The following NBAS variants were observed in gnomAD, a reference collection of about 807,000 sequenced individuals.
The protein encoded by NBAS is NBAS subunit of NRZ tethering complex.
NBAS carries 219 observed loss-of-function variants against 302.5 expected under a neutral mutation model. The observed-to-expected ratio is 0.72, with a 90% CI of 0.65 to 0.81. The LOEUF (loss-of-function observed/expected upper bound fraction) is 0.81. NBAS is among the 30% of genes least tolerant of loss of function. NBAS has a pLI of 0.00. For missense variants in NBAS, 2,932 were observed against 2,841.6 expected (o/e 1.03, Z -0.72); for synonymous variants, 1,118 against 1,021.6 (o/e 1.09, Z -1.80).
intron 32 of NBAS, 87 bp downstream of exon 32, chr2:15,366,493 G>A (rs1345206130): frequency 1.6e-6 from 2 of 1,287,312 alleles, no homozygotes; most frequent in Non-Finnish European, 2.3e-6. Context: ...TTCTGACGCT[G>A]TAAGCACATA....
At chr2:14,889,957 A>G in the NBAS span, among the ~76,000 whole-genome samples, 2 of 152,234 alleles carry the variant, frequency 1.3e-5, no homozygotes, top group Admixed American at 6.5e-5. Context: ...TAATATGTGC[A>G]TGTGGATGTA....
At chr2:15,475,129 C>G (rs1680134229) in intron 14 of NBAS, among the ~76,000 whole-genome samples, 1 of 152,102 alleles carries the variant, frequency 6.6e-6, no homozygotes, top group African/African-American at 2.4e-5. Flanking sequence ...CCATAGTTTT[C>G]TTTAAGGAAC....
chr2:14,976,382 C>T, the NBAS span, among the ~76,000 whole-genome samples: 188 of 152,298 alleles, frequency 1.2e-3, no homozygotes, highest in African/African-American at 3.5e-3. Flanking sequence ...TGTACGTCTT[C>T]GTCTATTAAG....
At chr2:14,961,338 G>A in the NBAS span, among the ~76,000 whole-genome samples, 1 of 152,310 alleles carries the variant, frequency 6.6e-6, no homozygotes, top group Non-Finnish European at 1.5e-5. Context: ...AGGTGTCTGG[G>A]TCATGGCAGC....
At chr2:15,214,077 T>C (rs1666544179) in intron 48 of NBAS, among the ~76,000 whole-genome samples, 1 of 152,220 alleles carries the variant, frequency 6.6e-6, no homozygotes, top group Non-Finnish European at 1.5e-5. Flanking sequence ...ATCATTTTGC[T>C]TGCATGTCAG....
At chr2:14,800,520 T>C in the NBAS span, among the ~76,000 whole-genome samples, 9 of 152,224 alleles carry the variant, frequency 5.9e-5, no homozygotes, top group African/African-American at 1.9e-4. Context: ...TGGACTAATA[T>C]GCATGTTATA....
At chr2:15,147,454 G>A in the NBAS span, among the ~76,000 whole-genome samples, 4 of 152,106 alleles carry the variant, frequency 2.6e-5, no homozygotes, top group African/African-American at 7.2e-5. Context: ...TTAGCCTGGT[G>A]TGCTGGCGCA....
chr2:15,078,967 T>G, the NBAS span, among the ~76,000 whole-genome samples: 1 of 152,092 alleles, frequency 6.6e-6, no homozygotes, highest in Admixed American at 6.5e-5. Context: ...CAGAATGAAC[T>G]GCAATTTGAT....
chr2:15,122,763 C>T, the NBAS span, among the ~76,000 whole-genome samples: 1 of 152,152 alleles, frequency 6.6e-6, no homozygotes, highest in South Asian at 2.1e-4. Flanking sequence ...AATCTTGAAA[C>T]TCTCTACACT....
At chr2:14,969,166 A>G in the NBAS span, among the ~76,000 whole-genome samples, 1 of 152,168 alleles carries the variant, frequency 6.6e-6, no homozygotes, top group East Asian at 1.9e-4. Context: ...AGAGACAGAA[A>G]GTAGATGAGG....
chr2:15,457,501 A>G (rs1679300865), intron 21 of NBAS, among the ~76,000 whole-genome samples: 1 of 152,216 alleles, frequency 6.6e-6, no homozygotes, highest in African/African-American at 2.4e-5. Flanking sequence ...ATGAGCTGCA[A>G]TTACTTATTT....
intron 35 of NBAS, among the ~76,000 whole-genome samples, chr2:15,332,950 A>C (rs1472877824): frequency 2.0e-5 from 3 of 152,224 alleles, no homozygotes; most frequent in Non-Finnish European, 4.4e-5. Context: ...CATATCTCCT[A>C]CTAGGCAATG....
intron 44 of NBAS, among the ~76,000 whole-genome samples, chr2:15,263,991 G>C (rs1668962921): frequency 6.6e-6 from 1 of 152,208 alleles, no homozygotes; most frequent in Non-Finnish European, 1.5e-5. Context: ...GCTAGATAGT[G>C]TATTTATGAA....
chr2:14,811,849 G>C, the NBAS span, among the ~76,000 whole-genome samples: 1 of 152,284 alleles, frequency 6.6e-6, no homozygotes, highest in Non-Finnish European at 1.5e-5. Flanking sequence ...ATAACTTCAT[G>C]AGTGGTTAGC....
At chr2:15,494,511 AT>A (rs2148621051) in intron 11 of NBAS, among the ~76,000 whole-genome samples, 1 of 152,314 alleles carries the variant, frequency 6.6e-6, no homozygotes, top group African/African-American at 2.4e-5. Context: ...TTCCAACAAC[AT>A]GTCTCATTCA....
intron 34 of NBAS, 144 bp downstream of exon 34, chr2:15,353,409 C>T: frequency 2.0e-6 from 2 of 1,018,048 alleles, no homozygotes; most frequent in Non-Finnish European, 3.0e-6. Context: ...ATTTTCATGT[C>T]CCTTTTCCAT....
At chr2:15,440,169 C>A (rs1453237383) in intron 21 of NBAS, among the ~76,000 whole-genome samples, 1 of 152,162 alleles carries the variant, frequency 6.6e-6, no homozygotes, top group Non-Finnish European at 1.5e-5. Flanking sequence ...TCTCCCAGCA[C>A]CCAACTGGAG....
chr2:15,539,897 TAGAA>T (rs746839401), intron 6 of NBAS, among the ~76,000 whole-genome samples: 2 of 151,760 alleles, frequency 1.3e-5, no homozygotes, highest in African/African-American at 2.4e-5. Flanking sequence ...CATACACACA[TAGAA>T]AGAGGCAGGT....
chr2:15,021,194 C>T, the NBAS span, among the ~76,000 whole-genome samples: 3 of 152,064 alleles, frequency 2.0e-5, no homozygotes, highest in Admixed American at 6.5e-5. Context: ...GTTCTTGCCA[C>T]TGCACCCCAG....
Sources: allele counts gnomAD v4.1 joint callset (sites outside exome capture counted in the v4.1 genomes callset), GRCh38; gene constraint gnomAD v4.1.1; transcripts MANE v1.5; gene names NCBI Gene and HGNC (gene_info 2026-07-23, HGNC 2026-07-21).